UTP4: variants seen among roughly 807,000 people sequenced by gnomAD.
UTP4 encodes U3 small nucleolar RNA-associated protein 4 homolog.
A neutral mutation model predicts 82.4 loss-of-function variants in UTP4; 45 were observed. The ratio of observed to expected loss-of-function variants is 0.55; its 90% CI spans 0.43 to 0.70. The LOEUF is 0.70. Among genes scored for constraint, UTP4 ranks in the 30% least tolerant of loss-of-function variants. UTP4 has a pLI of 0.00. For missense variants in UTP4, 819 were observed against 858.3 expected (o/e 0.95, Z 0.57); for synonymous variants, 348 against 300.3 (o/e 1.16, Z -1.64).
At chr16:69,157,656 A>G (rs1004831974) in intron 12 of UTP4, among the ~76,000 whole-genome samples, 6 of 152,140 alleles carry the variant, frequency 3.9e-5, no homozygotes, top group Admixed American at 2.0e-4. Flanking sequence ...ATAAAAAGGT[A>G]CAATCATAGA....
chr16:69,152,022 A>G (rs1963285654), intron 8 of UTP4, among the ~76,000 whole-genome samples: 1 of 151,078 alleles, frequency 6.6e-6, no homozygotes, highest in South Asian at 2.1e-4. Context: ...AGATAGATAG[A>G]TAGATAGATC....
chr16:69,158,666 T>C (rs1309828556), intron 12 of UTP4, among the ~76,000 whole-genome samples: 1 of 152,216 alleles, frequency 6.6e-6, no homozygotes, highest in Non-Finnish European at 1.5e-5. Context: ...CTTTATTTTT[T>C]CCACTTCTCT....
chr16:69,150,136 GATA>G (rs1963221917), intron 6 of UTP4, among the ~76,000 whole-genome samples: 1 of 152,198 alleles, frequency 6.6e-6, no homozygotes, highest in Non-Finnish European at 1.5e-5. Context: ...TTTCTTTAGT[GATA>G]ATAACTTGAT....
intron 13 of UTP4, 132 bp from the exon 14 acceptor site, chr16:69,162,951 A>AT: frequency 1.3e-6 from 1 of 771,852 alleles, no homozygotes; most frequent in Non-Finnish European, 2.3e-6. Flanking sequence ...AATGCCTGAA[A>AT]TTTTTGGAAC....
At chr16:69,163,046 C>T in intron 13 of UTP4, 37 bp from the exon 14 acceptor site, 1 of 1,475,194 alleles carries the variant, frequency 6.8e-7, no homozygotes, top group Non-Finnish European at 9.5e-7. Context: ...AAAAGTGTCA[C>T]TTAGAGTTGC....
chr16:69,139,639 A>AAAATAAATAAAT (rs60340195), intron 4 of UTP4, 186 bp from the exon 5 acceptor site: 3,082 of 167,062 alleles, frequency 0.018, 49 homozygotes, highest in Non-Finnish European at 0.025. Flanking sequence ...CTCCGTCTCA[A>AAAATAAATAAAT]AAATAAATAA....
At chr16:69,143,067 A>C in intron 5 of UTP4, 111 bp from the exon 6 acceptor site, 1 of 1,098,990 alleles carries the variant, frequency 9.1e-7, no homozygotes, top group East Asian at 2.4e-5. Context: ...TTCGTTGCCT[A>C]GGCTGGCCTT....
intron 16 of UTP4, among the ~76,000 whole-genome samples, chr16:69,168,139 A>G (rs1398218743): frequency 2.0e-5 from 3 of 152,192 alleles, no homozygotes; most frequent in African/African-American, 4.8e-5. Flanking sequence ...GAACTTAGTT[A>G]AAAGCTCCCA....
intron 15 of UTP4, 107 bp from the exon 16 acceptor site, chr16:69,166,968 A>G (rs1963717048): frequency 7.6e-6 from 6 of 785,036 alleles, no homozygotes; most frequent in Non-Finnish European, 1.1e-5. Context: ...TACTGAATAT[A>G]TATGATGGTT....
At chr16:69,162,256 T>C (rs980887027) in intron 13 of UTP4, among the ~76,000 whole-genome samples, 1 of 149,808 alleles carries the variant, frequency 6.7e-6, no homozygotes, top group Non-Finnish European at 1.5e-5. Context: ...CATGAGCCAC[T>C]GCGCCCGGCC....
chr16:69,140,654 C>G (rs1962934825), intron 5 of UTP4, among the ~76,000 whole-genome samples: 1 of 151,348 alleles, frequency 6.6e-6, no homozygotes, highest in Non-Finnish European at 1.5e-5. Context: ...AGCCTGACAA[C>G]AAGAGTGAAA....
At chr16:69,140,742 C>T (rs900059971) in intron 5 of UTP4, among the ~76,000 whole-genome samples, 5 of 152,024 alleles carry the variant, frequency 3.3e-5, no homozygotes, top group Non-Finnish European at 5.9e-5. Flanking sequence ...TCACTCTCCT[C>T]GAGGCAACCA....
intron 2 of UTP4, 112 bp from the exon 3 acceptor site, chr16:69,136,584 C>A: frequency 1.0e-6 from 1 of 993,826 alleles, no homozygotes; most frequent in Non-Finnish European, 1.6e-6. Flanking sequence ...TAGCACAAAA[C>A]CCCACACTAG....
chr16:69,135,342 C>T (rs1230441221), intron 2 of UTP4, among the ~76,000 whole-genome samples: 1 of 151,964 alleles, frequency 6.6e-6, no homozygotes, highest in Admixed American at 6.6e-5. Context: ...TCCTGCTTTC[C>T]CTATATTCCC....
intron 10 of UTP4, 41 bp downstream of exon 10, chr16:69,154,498 T>G: frequency 7.3e-7 from 1 of 1,377,280 alleles, no homozygotes. Context: ...AGAGCCTGAA[T>G]TCTAGGCTCA....
In UTP4 at chr16:69,165,490, T is replaced by C. The variant is rs1417609006; in HGVS notation, c.1797T>C (p.His599=). ...HPKRPMHILL[H]DAYMFCIIDK... Reference sequence around the variant, plus strand: ...AGAGACCGATGCACATCCTTCTCCATGATGCCTACATGTTCTGCATCATTG... The same window carrying C: ...AGAGACCGATGCACATCCTTCTCCACGATGCCTACATGTTCTGCATCATTG... Residue 599 remains histidine, a synonymous_variant, in exon 15 of 17, where the codon CAT becomes CAC. Coordinates refer to ENST00000314423, the MANE Select transcript of UTP4 (RefSeq NM_032830.3). 5 of 1,614,084 alleles carry C rather than the reference T, an allele frequency of 3.1e-6. No individual in the cohort carries two copies. The African/African-American group carries it at 5.3e-5, about 17-fold the overall frequency.
rs780302418 is a variant in UTP4, at chr16:69,139,829, C to T, written c.441C>T (p.Arg147=). The T allele has an allele frequency of 3.1e-6, 5 of 1,612,580 alleles. No individual in the cohort carries two copies. Among genetic ancestry groups the T allele is most frequent in the Non-Finnish European group, 4.2e-6 (5 of 1,178,730 alleles). The stretch of plus-strand genomic sequence containing the variant: ...TTTTGTTGTCCAACTCCCAAGGTCG[C>T]ATCCTGAGTCTCAGCTGGCATCCCT... ...FERNFDRQKS[R]ILSLSWHPSG... Residue 147 remains arginine, a synonymous_variant, in exon 5 of 17, where the codon CGC becomes CGT. Coordinates refer to ENST00000314423, the MANE Select transcript of UTP4 (RefSeq NM_032830.3).
rs779266619 is a variant in UTP4, at chr16:69,136,810, A to G, written c.274A>G (p.Asn92Asp). 23 of 1,614,026 alleles carry G rather than the reference A, an allele frequency of 1.4e-5. No homozygotes were observed. The highest frequency in any genetic ancestry group is 1.9e-5 in the Non-Finnish European group (23 of 1,180,020). ...EIMEYDLQAL[N>D]IKYAMDAFGG... ...TATGGAGTATGATTTACAGGCGTTA[A>G]ACATCAAGTATGCTATGGATGCCTT... Residue 92 changes from asparagine to aspartate, a missense_variant, in exon 3 of 17, where the codon AAC becomes GAC. Physicochemically the swap from Asn to Asp is conservative, Grantham distance 23. Transcript: ENST00000314423.
intron 6 of UTP4, among the ~76,000 whole-genome samples, chr16:69,149,793 A>G (rs1963211605): frequency 6.6e-6 from 1 of 151,586 alleles, no homozygotes; most frequent in African/African-American, 2.4e-5. Context: ...CAGTGGTGCG[A>G]TCTTGGCGTA....
Sources: gnomAD v4.1 joint callset for allele counts (sites outside exome capture counted in the v4.1 genomes callset) on GRCh38, gnomAD v4.1.1 for gene constraint, MANE v1.5 for transcripts, NCBI Gene and HGNC (gene_info 2026-07-23, HGNC 2026-07-21) for gene names.